The following ACKR3 variants were observed in gnomAD, a reference collection of about 807,000 sequenced individuals.
ACKR3 encodes C-X-C chemokine receptor type 7.
ACKR3 carries 6 observed loss-of-function variants against 22.4 expected under a neutral mutation model. That is an observed-to-expected ratio of 0.27 (90% CI 0.15 to 0.53). The LOEUF is 0.53. Among genes scored for constraint, ACKR3 ranks in the 20% least tolerant of loss-of-function variants. ACKR3 has a pLI of 0.96. For missense variants in ACKR3, 396 were observed against 475.2 expected, an observed-to-expected ratio of 0.83 and a Z score of 1.55; for synonymous variants, 209 against 205.2, an observed-to-expected ratio of 1.02 and a Z score of -0.16.
chr2:236,563,855 C>T (rs7572823), upstream of ACKR3, among the ~76,000 whole-genome samples: 28,117 of 152,116 alleles, frequency 0.18, 4,393 homozygotes, highest in African/African-American at 0.42. Context: ...GCTGTGCCCC[C>T]ACAGGCTGTG....
In ACKR3 at chr2:236,581,644, C is replaced by T. The variant is rs868808740; in HGVS notation, c.*90C>T. 8.7e-6 allele frequency: 13 copies of T among 1,494,844 alleles called. No homozygotes were observed. Among genetic ancestry groups the T allele is most frequent in the Admixed American group, 2.2e-5 (1 of 46,156 alleles). The allele number at this position is 1,494,844 out of a possible 1,614,324, so 92.6% of individuals were successfully genotyped here. Reference sequence around the variant, plus strand: ...TTTCTAGAGCAAAGCAAAGTAGCTTCGGGTCTTGATGCTTGAGTAGAGTGA... The same window carrying T: ...TTTCTAGAGCAAAGCAAAGTAGCTTTGGGTCTTGATGCTTGAGTAGAGTGA... On this transcript the variant is annotated 3_prime_UTR_variant, in exon 2 of 2. Coordinates refer to ENST00000272928, the MANE Select transcript of ACKR3 (RefSeq NM_020311.3). This position sits in a 1 kb window ranked among gnomAD's most constrained non-coding sequence, Gnocchi z 4.4.
upstream of ACKR3, among the ~76,000 whole-genome samples, chr2:236,569,125 CATT>C (rs1691253461): frequency 6.6e-6 from 1 of 152,232 alleles, no homozygotes. Flanking sequence ...CAGAAAAAGA[CATT>C]ATCAAAAGGC....
At chr2:236,563,478 G>A (rs1481622195), upstream of ACKR3, among the ~76,000 whole-genome samples, 3 of 152,210 alleles carry the variant, frequency 2.0e-5, no homozygotes, top group Admixed American at 1.3e-4. Context: ...AGGATGGGAA[G>A]ATTCTTTGGT....
In ACKR3 at chr2:236,581,074, C is replaced by G; in HGVS notation, c.609C>G (p.His203Gln). Residue 203 changes from histidine (H) to glutamine (Q), a missense_variant, in exon 2 of 2, where the codon CAC (histidine) becomes CAG (glutamine). Transcript: ENST00000272928. This position sits in a 1 kb window ranked among gnomAD's most constrained non-coding sequence, Gnocchi z 4.4. ...ACTGCCGGTCCTTCTACCCCGAGCA[C>G]AGCATCAAGGAGTGGCTGATCGGCA... is the stretch of plus-strand genomic sequence containing the variant. ...ETYCRSFYPE[H>Q]SIKEWLIGME... 6.2e-6 allele frequency: 10 copies of G among 1,614,246 alleles called. No homozygotes were observed. Among genetic ancestry groups the G allele is most frequent in the Non-Finnish European group, 8.5e-6 (10 of 1,180,048 alleles).
the ACKR3 span, among the ~76,000 whole-genome samples, chr2:236,540,169 G>T: frequency 6.6e-6 from 1 of 152,184 alleles, no homozygotes; most frequent in Non-Finnish European, 1.5e-5. Context: ...TATTCCACTT[G>T]TTCCTCATTC....
chr2:236,570,592 TAGA>T (rs1430159476), intron 1 of ACKR3, among the ~76,000 whole-genome samples: 1 of 152,232 alleles, frequency 6.6e-6, no homozygotes, highest in African/African-American at 2.4e-5. Context: ...ATTGTTCTCT[TAGA>T]AGGTGTTAAG....
the ACKR3 span, among the ~76,000 whole-genome samples, chr2:236,545,104 G>A: frequency 2.6e-4 from 40 of 152,174 alleles, no homozygotes; most frequent in Non-Finnish European, 4.0e-4. The surrounding 1 kb of genome is among the most constrained non-coding windows in gnomAD (Gnocchi z 5.3). Context: ...GTCACTCAGG[G>A]TATTCGCCTT....
chr2:236,579,340 A>G (rs2106508122), intron 1 of ACKR3, among the ~76,000 whole-genome samples: 1 of 152,344 alleles, frequency 6.6e-6, no homozygotes, highest in Non-Finnish European at 1.5e-5. Context: ...CACTGTCAAC[A>G]GTGCATCCTT....
At chr2:236,558,400 G>A in the ACKR3 span, among the ~76,000 whole-genome samples, 1 of 152,198 alleles carries the variant, frequency 6.6e-6, no homozygotes, top group Non-Finnish European at 1.5e-5. Context: ...AATGGCTAAG[G>A]GTGATGGGCA....
Position 236,581,637 on chromosome 2 carries a change from G to A in ACKR3, c.*83G>A, listed in dbSNP as rs1691540841. 2 of 1,506,840 alleles carry A rather than the reference G, an allele frequency of 1.3e-6. No homozygotes were observed. Among genetic ancestry groups the A allele is most frequent in the Non-Finnish European group, 1.8e-6 (2 of 1,122,880 alleles). The allele number at this position is 1,506,840 out of a possible 1,614,324, so 93.3% of individuals were successfully genotyped here. On this transcript the variant is annotated 3_prime_UTR_variant, in exon 2 of 2. Coordinates refer to ENST00000272928, the MANE Select transcript of ACKR3 (RefSeq NM_020311.3). The surrounding 1 kb of genome is among the most constrained non-coding windows in gnomAD (Gnocchi z 4.4). ...CTATGGTTTTCTAGAGCAAAGCAAAGTAGCTTCGGGTCTTGATGCTTGAGT... is the reference window on the plus strand; with the variant it reads ...CTATGGTTTTCTAGAGCAAAGCAAAATAGCTTCGGGTCTTGATGCTTGAGT...
the ACKR3 span, among the ~76,000 whole-genome samples, chr2:236,550,835 A>G: frequency 6.6e-6 from 1 of 152,174 alleles, no homozygotes; most frequent in South Asian, 2.1e-4. This position sits in a 1 kb window ranked among gnomAD's most constrained non-coding sequence, Gnocchi z 4.6. Context: ...CCTTATGTTT[A>G]TTGTTCATGA....
At chr2:236,550,075 C>A in the ACKR3 span, among the ~76,000 whole-genome samples, 1 of 152,200 alleles carries the variant, frequency 6.6e-6, no homozygotes, top group Non-Finnish European at 1.5e-5. The surrounding 1 kb of genome is among the most constrained non-coding windows in gnomAD (Gnocchi z 4.6). Flanking sequence ...GGTTCATCAA[C>A]AGCTCCAGTT....
the ACKR3 span, among the ~76,000 whole-genome samples, chr2:236,540,627 TCTTTTACATTTACATCTAGGATCC>T: frequency 5.9e-5 from 9 of 152,386 alleles, no homozygotes; most frequent in South Asian, 1.2e-3. Flanking sequence ...TATAATTTAA[TCTTTTACATTTACATCTAGGATCC>T]ATTTGGAATG....
chr2:236,562,242 A>C, the ACKR3 span, among the ~76,000 whole-genome samples: 48 of 152,330 alleles, frequency 3.2e-4, no homozygotes, highest in African/African-American at 1.1e-3. Flanking sequence ...TTATTTTATT[A>C]ATTTAGCAAG....
At chr2:236,541,794 A>G in the ACKR3 span, among the ~76,000 whole-genome samples, 1 of 152,198 alleles carries the variant, frequency 6.6e-6, no homozygotes, top group African/African-American at 2.4e-5. Flanking sequence ...CCTGGTAGTG[A>G]ATAAGTCTCA....
the ACKR3 span, among the ~76,000 whole-genome samples, chr2:236,546,309 C>T: frequency 6.6e-6 from 1 of 152,152 alleles, no homozygotes; most frequent in Admixed American, 6.5e-5. This position sits in a 1 kb window ranked among gnomAD's most constrained non-coding sequence, Gnocchi z 4.9. Flanking sequence ...TCTCAGGGCC[C>T]ACTCACTGAC....
chr2:236,545,163 G>C, the ACKR3 span, among the ~76,000 whole-genome samples: 1 of 151,992 alleles, frequency 6.6e-6, no homozygotes, highest in South Asian at 2.1e-4. The surrounding 1 kb of genome is among the most constrained non-coding windows in gnomAD (Gnocchi z 5.3). Context: ...CTGTGCCTTC[G>C]TCATCTTTAG....
intron 1 of ACKR3, among the ~76,000 whole-genome samples, chr2:236,573,203 CA>C (rs1691344197): frequency 6.6e-6 from 1 of 152,196 alleles, no homozygotes; most frequent in Non-Finnish European, 1.5e-5. Flanking sequence ...CACACACACA[CA>C]CCCCACTCAA....
rs754379905 is a variant in ACKR3 at position 236,581,113 on chromosome 2, C to T, written c.648C>T (p.Ser216=). 20 of 1,614,204 alleles carry T rather than the reference C, an allele frequency of 1.2e-5. No homozygotes were observed. Among genetic ancestry groups the T allele is most frequent in the South Asian group, 2.2e-5 (2 of 91,078 alleles). The part of the protein sequence containing the change: ...KEWLIGMELV[S]VVLGFAVPFS... ...GGCTGATCGGCATGGAGCTGGTCTC[C>T]GTTGTCTTGGGCTTTGCCGTTCCCT... The change falls in exon 2 of 2, where the codon TCC becomes TCT. Residue 216 remains serine, a synonymous_variant. Coordinates refer to ENST00000272928, the MANE Select transcript of ACKR3 (RefSeq NM_020311.3). This position sits in a 1 kb window ranked among gnomAD's most constrained non-coding sequence, Gnocchi z 4.4.
Sources: gnomAD v4.1 joint callset for allele counts (sites outside exome capture counted in the v4.1 genomes callset) on GRCh38, gnomAD v4.1.1 for gene constraint, Gnocchi (gnomAD v3.1) non-coding constraint, MANE v1.5 for transcripts, NCBI Gene and HGNC (gene_info 2026-07-23, HGNC 2026-07-21) for gene names.